The following SLC71A2 variants were observed in gnomAD, a reference collection of about 807,000 sequenced individuals.
SLC71A2 encodes hippocampus abundant transcript-like 1.
chr9:94,444,920 G>T, the SLC71A2 span: 2 of 1,574,242 alleles, frequency 1.3e-6, no homozygotes, highest in Admixed American at 1.7e-5. Flanking sequence ...TTCCCCAGAG[G>T]TGTTCACCTA....
chr9:94,438,266 A>G, the SLC71A2 span: 1 of 1,192,562 alleles, frequency 8.4e-7, no homozygotes. Flanking sequence ...TGTAGTTTGT[A>G]TTTAATGTTT....
the SLC71A2 span, chr9:94,460,724 TAAATGTAATGAAGG>T: frequency 6.6e-6 from 1 of 152,530 alleles, no homozygotes; most frequent in Non-Finnish European, 1.5e-5. Flanking sequence ...CTTGTATTTA[TAAATGTAATGAAGG>T]TATTGACAGA....
the SLC71A2 span, chr9:94,438,617 A>G: frequency 1.9e-6 from 3 of 1,547,496 alleles, no homozygotes; most frequent in Admixed American, 2.0e-5. Flanking sequence ...CTTAACTATT[A>G]CAAAGCAGTT....
At chr9:94,446,925 T>G in the SLC71A2 span, 1 of 1,571,588 alleles carries the variant, frequency 6.4e-7, no homozygotes, top group Non-Finnish European at 8.8e-7. Flanking sequence ...TTTTTTTCTC[T>G]ATCTCAGGCA....
the SLC71A2 span, among the ~76,000 whole-genome samples, chr9:94,390,483 T>G: frequency 1.3e-5 from 2 of 151,248 alleles, no homozygotes; most frequent in Non-Finnish European, 2.9e-5. Context: ...GAGCATTTTT[T>G]GTTTGGAGAT....
At chr9:94,376,577 A>T in the SLC71A2 span, among the ~76,000 whole-genome samples, 5 of 147,502 alleles carry the variant, frequency 3.4e-5, no homozygotes, top group Non-Finnish European at 7.4e-5. Flanking sequence ...TGATTAGACG[A>T]GCATGCTTGA....
At chr9:94,404,929 G>A in the SLC71A2 span, among the ~76,000 whole-genome samples, 2 of 152,114 alleles carry the variant, frequency 1.3e-5, no homozygotes, top group African/African-American at 4.8e-5. Flanking sequence ...CCAATACCAG[G>A]AAGCTTTCCT....
the SLC71A2 span, among the ~76,000 whole-genome samples, chr9:94,386,929 C>CT: frequency 6.6e-6 from 1 of 151,862 alleles, no homozygotes; most frequent in Admixed American, 6.6e-5. Context: ...GCTTTTCAGA[C>CT]TTTTTTTTCT....
chr9:94,457,368 G>A, the SLC71A2 span, among the ~76,000 whole-genome samples: 2 of 147,508 alleles, frequency 1.4e-5, no homozygotes, highest in African/African-American at 5.1e-5. Flanking sequence ...ATTTTAGAGG[G>A]AGAAAAATTT....
At chr9:94,437,919 AATTTTATTTTAG>A in the SLC71A2 span, among the ~76,000 whole-genome samples, 2 of 146,438 alleles carry the variant, frequency 1.4e-5, no homozygotes, top group African/African-American at 2.6e-5. Flanking sequence ...TTTTGGTTAT[AATTTTATTTTAG>A]ATTTTATTTT....
chr9:94,425,163 G>T, the SLC71A2 span, among the ~76,000 whole-genome samples: 1 of 151,848 alleles, frequency 6.6e-6, no homozygotes, highest in Non-Finnish European at 1.5e-5. Flanking sequence ...AATTAACCAG[G>T]CATGGTGACG....
At chr9:94,375,000 G>C in the SLC71A2 span, 1 of 1,078,146 alleles carries the variant, frequency 9.3e-7, no homozygotes, top group Non-Finnish European at 1.2e-6. Flanking sequence ...GGGCCCGCGA[G>C]CCCGCCGCTC....
At chr9:94,381,259 C>T in the SLC71A2 span, among the ~76,000 whole-genome samples, 1 of 150,676 alleles carries the variant, frequency 6.6e-6, no homozygotes, top group Non-Finnish European at 1.5e-5. Context: ...TGGTCTCAAA[C>T]TCCCGACCTC....
the SLC71A2 span, among the ~76,000 whole-genome samples, chr9:94,418,316 A>G: frequency 6.6e-6 from 1 of 152,038 alleles, no homozygotes; most frequent in Non-Finnish European, 1.5e-5. Flanking sequence ...TTCATCTTAA[A>G]TTGTCTGTGT....
chr9:94,439,438 A>T, the SLC71A2 span, among the ~76,000 whole-genome samples: 4 of 152,084 alleles, frequency 2.6e-5, no homozygotes, highest in South Asian at 8.3e-4. Flanking sequence ...GGATAACAGA[A>T]GATGGTATTT....
At chr9:94,383,530 C>G in the SLC71A2 span, among the ~76,000 whole-genome samples, 2 of 151,890 alleles carry the variant, frequency 1.3e-5, no homozygotes, top group Non-Finnish European at 2.9e-5. Context: ...TATTCTGTTC[C>G]TTTGATCTAT....
At chr9:94,409,554 T>C in the SLC71A2 span, among the ~76,000 whole-genome samples, 1 of 152,234 alleles carries the variant, frequency 6.6e-6, no homozygotes, top group African/African-American at 2.4e-5. Context: ...TCTAGTTTCT[T>C]ACAGTGGAAA....
At chr9:94,386,884 T>C in the SLC71A2 span, among the ~76,000 whole-genome samples, 1 of 152,208 alleles carries the variant, frequency 6.6e-6, no homozygotes, top group African/African-American at 2.4e-5. Flanking sequence ...AAAGATTGAT[T>C]TTGTGGCTCT....
chr9:94,454,926 G>A, the SLC71A2 span, among the ~76,000 whole-genome samples: 1 of 152,016 alleles, frequency 6.6e-6, no homozygotes, highest in Non-Finnish European at 1.5e-5. Flanking sequence ...AAATTAGAAG[G>A]AATCGTGAGT....
Sources: gnomAD v4.1 joint callset for allele counts (sites outside exome capture counted in the v4.1 genomes callset) on GRCh38, gnomAD v4.1.1 for gene constraint, MANE v1.5 for transcripts, NCBI Gene and HGNC (gene_info 2026-07-23, HGNC 2026-07-21) for gene names.